EDN3: variants seen among roughly 807,000 people sequenced by gnomAD.
EDN3 encodes the protein endothelin-3.
In EDN3, 9 loss-of-function variants were observed where a neutral mutation model predicts 21.4. The ratio of observed to expected loss-of-function variants is 0.42; its 90% CI spans 0.25 to 0.73. The LOEUF (loss-of-function observed/expected upper bound fraction) is 0.73, where lower values mean the gene tolerates loss of function less well. Among genes scored for constraint, EDN3 ranks in the 30% least tolerant of loss-of-function variants. The pLI, the probability that EDN3 is intolerant of heterozygous loss-of-function variation, is 0.26. For synonymous variants in EDN3, 133 were observed against 126.2 expected, an observed-to-expected ratio of 1.05 and a Z score of -0.36; for missense variants, 327 against 309.4, an observed-to-expected ratio of 1.06 and a Z score of -0.43.
In EDN3 at chr20:59,300,705, A is replaced by C; in HGVS notation, c.-108A>C. On this transcript the variant is annotated 5_prime_UTR_variant, in exon 1 of 5. Coordinates refer to ENST00000337938, the MANE Select transcript of EDN3 (RefSeq NM_207034.3). The stretch of plus-strand genomic sequence containing the variant: ...CGCAGCGAGCGATCGGCCGGCCTCG[A>C]ACCCCCACAGCTGGAGGGCGAGGCC... 1 of 1,191,202 alleles carries C rather than the reference A, an allele frequency of 8.4e-7. No homozygotes were observed. Among genetic ancestry groups the C allele is most frequent in the Non-Finnish European group, 1.2e-6 (1 of 841,014 alleles). The allele number at this position is 1,191,202 out of a possible 1,614,324, so 73.8% of individuals were successfully genotyped here. A position where few individuals can be genotyped will look rare whatever the true frequency, so the allele number is the denominator to read the frequency against.
intron 2 of EDN3, among the ~76,000 whole-genome samples, chr20:59,316,631 A>G (rs1366474935): frequency 2.0e-5 from 3 of 152,240 alleles, no homozygotes; most frequent in African/African-American, 7.2e-5. Flanking sequence ...AACTTCTTGT[A>G]GAGAGAAATA....
intron 2 of EDN3, among the ~76,000 whole-genome samples, chr20:59,314,541 G>A (rs1357607505): frequency 3.9e-5 from 6 of 152,072 alleles, no homozygotes; most frequent in Admixed American, 2.0e-4. Flanking sequence ...AAGGAGGGGC[G>A]GGGCTGCTTG....
At chr20:59,303,341 G>C (rs181438754) in intron 2 of EDN3, among the ~76,000 whole-genome samples, 6 of 152,298 alleles carry the variant, frequency 3.9e-5, no homozygotes, top group Admixed American at 1.3e-4. Context: ...CTCAGATAGC[G>C]AGGGGAGTCA....
At chr20:59,304,484 T>C (rs1046744426) in intron 2 of EDN3, among the ~76,000 whole-genome samples, 1 of 152,190 alleles carries the variant, frequency 6.6e-6, no homozygotes, top group Non-Finnish European at 1.5e-5. Context: ...GGAGCCTTGA[T>C]TCTTGTGCCT....
intron 4 of EDN3, among the ~76,000 whole-genome samples, chr20:59,323,979 C>T (rs1282147360): frequency 6.6e-6 from 1 of 152,186 alleles, no homozygotes; most frequent in Non-Finnish European, 1.5e-5. Flanking sequence ...TCTTATTAAG[C>T]CAATGTTCTT....
rs760163643 is a variant in EDN3 at position 59,324,473 on chromosome 20, C to T, written c.*14C>T. The T allele has an allele frequency of 6.2e-7, 1 of 1,614,014 alleles. No individual in the cohort carries two copies. Among genetic ancestry groups the T allele is most frequent in the South Asian group, 1.1e-5 (1 of 91,058 alleles). On this transcript the variant is annotated 3_prime_UTR_variant, in exon 5 of 5. Coordinates refer to ENST00000337938, the MANE Select transcript of EDN3 (RefSeq NM_207034.3). ...GGAGCCCCTTAGGAGGACAGGCCTGCAGCATCCTGGTCTCGGGAGGCTTCT... is the reference window on the plus strand; with the variant it reads ...GGAGCCCCTTAGGAGGACAGGCCTGTAGCATCCTGGTCTCGGGAGGCTTCT...
Position 59,301,408 on chromosome 20 carries a change from A to G in EDN3, c.53-2A>G, listed in dbSNP as rs1174834749. On this transcript the variant is annotated splice_acceptor_variant, in intron 1 of 4. Transcript: ENST00000337938. LOFTEE classifies it high-confidence loss of function. ...AGGAGCCCCTCAATCTGCCTTCTGC[A>G]GGATTCGTGCCTTGCTCCCAGTCTG... 1.2e-6 allele frequency: 2 copies of G among 1,608,996 alleles called. No homozygotes were observed. The highest frequency in any genetic ancestry group is 1.7e-6 in the Non-Finnish European group (2 of 1,179,990).
chr20:59,309,367 G>A (rs1162748770), intron 2 of EDN3, among the ~76,000 whole-genome samples: 1 of 152,164 alleles, frequency 6.6e-6, no homozygotes, highest in African/African-American at 2.4e-5. Context: ...ATTTGCAGCT[G>A]AGGACCCCAT....
chr20:59,305,097 G>T lies in EDN3; in HGVS notation c.365+3375G>T, dbSNP rs757009596. ...CTTGGGGATGTTGCCCATAACTTCT[G>T]TGATATCTTCCCAAAAGTCCATCGC... On this transcript the variant is annotated intron_variant, in intron 2 of 4. Transcript: ENST00000337938. This position sits in a 1 kb window ranked among gnomAD's most constrained non-coding sequence, Gnocchi z 4.2. 6.6e-5 allele frequency among the ~76,000 whole-genome samples: 10 copies of T among 152,152 alleles called. No individual in the cohort carries two copies. The highest frequency in any genetic ancestry group is 1.0e-4 in the Non-Finnish European group (7 of 68,032).
At chr20:59,304,350 C>A (rs1252229399) in intron 2 of EDN3, among the ~76,000 whole-genome samples, 1 of 152,238 alleles carries the variant, frequency 6.6e-6, no homozygotes, top group Non-Finnish European at 1.5e-5. Flanking sequence ...ACAACCCCAC[C>A]TGTCACATGT....
chr20:59,321,788 G>A (rs574347805), intron 3 of EDN3, among the ~76,000 whole-genome samples: 2 of 152,250 alleles, frequency 1.3e-5, no homozygotes, highest in African/African-American at 4.8e-5. Flanking sequence ...GAGACCCTGT[G>A]GTCTGTCCTG....
Position 59,301,440 on chromosome 20 carries a change from C to G in EDN3, c.83C>G (p.Ala28Gly), listed in dbSNP as rs762824805. Reference protein sequence around the residue: ...GFVPCSQSGDAGRRGVSQAPT... With the variant: ...GFVPCSQSGDGGRRGVSQAPT... ...GTGCCTTGCTCCCAGTCTGGGGATGCTGGCAGGCGCGGCGTGTCCCAGGCC... is the reference window on the plus strand; with the variant it reads ...GTGCCTTGCTCCCAGTCTGGGGATGGTGGCAGGCGCGGCGTGTCCCAGGCC... Residue 28 changes from alanine (A) to glycine (G), a missense_variant, in exon 2 of 5, where the codon GCT becomes GGT. Ala to Gly is a moderately conservative substitution (Grantham distance 60, BLOSUM62 0). Transcript: ENST00000337938. The G allele has an allele frequency of 1.3e-5, 21 of 1,612,650 alleles. No individual in the cohort carries two copies. Among genetic ancestry groups the G allele is most frequent in the Non-Finnish European group, 1.8e-5 (21 of 1,180,034 alleles).
chr20:59,304,956 T>C (rs1281213185), intron 2 of EDN3, among the ~76,000 whole-genome samples: 1 of 152,174 alleles, frequency 6.6e-6, no homozygotes, highest in Non-Finnish European at 1.5e-5. Flanking sequence ...TTGCTGTTGC[T>C]GAGCCCCTAA....
chr20:59,313,558 G>A (rs1005050161), intron 2 of EDN3, among the ~76,000 whole-genome samples: 3 of 152,110 alleles, frequency 2.0e-5, no homozygotes, highest in Non-Finnish European at 4.4e-5. Flanking sequence ...TTTTAAAAAG[G>A]CAACAATTAA....
In EDN3 at chr20:59,301,400, C is replaced by G. The variant is rs779251590; in HGVS notation, c.53-10C>G. On this transcript the variant is annotated splice_polypyrimidine_tract_variant and intron_variant, in intron 1 of 4. Coordinates refer to ENST00000337938, the MANE Select transcript of EDN3 (RefSeq NM_207034.3). ...CTCAGCTTAGGAGCCCCTCAATCTGCCTTCTGCAGGATTCGTGCCTTGCTC... is the reference window on the plus strand; with the variant it reads ...CTCAGCTTAGGAGCCCCTCAATCTGGCTTCTGCAGGATTCGTGCCTTGCTC... The G allele has an allele frequency of 6.2e-7, 1 of 1,607,494 alleles. No homozygotes were observed. Among genetic ancestry groups the G allele is most frequent in the South Asian group, 1.1e-5 (1 of 91,014 alleles).
At chr20:59,320,236 T>C (rs185041529) in intron 2 of EDN3, among the ~76,000 whole-genome samples, 123 of 152,318 alleles carry the variant, frequency 8.1e-4, no homozygotes, top group Non-Finnish European at 1.4e-3. Context: ...GGTCACGGAG[T>C]GTTCCTTCTG....
chr20:59,320,693 G>A (rs1990477186), intron 2 of EDN3, among the ~76,000 whole-genome samples: 2 of 152,240 alleles, frequency 1.3e-5, no homozygotes, highest in African/African-American at 4.8e-5. Flanking sequence ...GGTGCCTTGG[G>A]TGAGGCTAAG....
chr20:59,301,086 C>T (rs6100407), intron 1 of EDN3, among the ~76,000 whole-genome samples: 2 of 152,246 alleles, frequency 1.3e-5, no homozygotes, highest in Non-Finnish European at 2.9e-5. Flanking sequence ...GGCTGGAGAC[C>T]TGCTGCCTGG....
At chr20:59,323,076 A>G (rs1990646527) in intron 4 of EDN3, among the ~76,000 whole-genome samples, 2 of 152,182 alleles carry the variant, frequency 1.3e-5, no homozygotes, top group Non-Finnish European at 2.9e-5. Context: ...ATTTATGTTC[A>G]TAATAATAGC....
Sources: gnomAD v4.1 joint callset for allele counts (sites outside exome capture counted in the v4.1 genomes callset) on GRCh38, gnomAD v4.1.1 for gene constraint, Gnocchi (gnomAD v3.1) non-coding constraint, MANE v1.5 for transcripts, NCBI Gene and HGNC (gene_info 2026-07-23, HGNC 2026-07-21) for gene names.